Variants in MEI4 observed in about 807,000 individuals in gnomAD.
The protein encoded by MEI4 is meiotic double-stranded break formation protein 4, also known as meiosis-specific protein MEI4.
Under a neutral mutation model 31.4 loss-of-function variants are expected in MEI4, and 27 were observed. The ratio of observed to expected loss-of-function variants is 0.86; its 90% CI spans 0.63 to 1.19. The LOEUF is 1.19. MEI4 is among the 50% of genes most tolerant of loss of function. The probability of loss-of-function intolerance (pLI) is 0.00; values close to 1 mark genes in which losing one functional copy is unlikely to be tolerated. For synonymous variants in MEI4, 122 were observed against 145.4 expected, an observed-to-expected ratio of 0.84 and a Z score of 1.16; for missense variants, 329 against 398.9, an observed-to-expected ratio of 0.82 and a Z score of 1.49.
intron 2 of MEI4, among the ~76,000 whole-genome samples, chr6:77,698,026 T>G (rs1395051113): frequency 6.6e-6 from 1 of 152,234 alleles, no homozygotes; most frequent in East Asian, 1.9e-4. Context: ...GATAATGGTC[T>G]TCTTTGTGTC....
At chr6:77,763,015 G>A (rs1768079443) in intron 3 of MEI4, among the ~76,000 whole-genome samples, 1 of 151,818 alleles carries the variant, frequency 6.6e-6, no homozygotes, top group Admixed American at 6.6e-5. Flanking sequence ...GAAGATACTG[G>A]CATTTATAGT....
chr6:77,799,904 A>T (rs553665393), intron 3 of MEI4, among the ~76,000 whole-genome samples: 4 of 151,376 alleles, frequency 2.6e-5, no homozygotes, highest in Non-Finnish European at 5.9e-5. Flanking sequence ...GTAGCCTTGT[A>T]GTATGATTTG....
chr6:77,755,825 G>GGGGTGTGTGT (rs1554161606), intron 2 of MEI4, among the ~76,000 whole-genome samples: 5 of 145,168 alleles, frequency 3.4e-5, no homozygotes, highest in African/African-American at 7.6e-5. Flanking sequence ...GTGCTGGAAT[G>GGGGTGTGTGT]GTGTGTGTGT....
chr6:77,813,717 T>C (rs752385818), intron 3 of MEI4, among the ~76,000 whole-genome samples: 65 of 152,246 alleles, frequency 4.3e-4, no homozygotes, highest in South Asian at 3.9e-3. Flanking sequence ...GCAAGTCATT[T>C]GATCATTTTT....
chr6:77,807,846 G>A (rs1434787918), intron 3 of MEI4, among the ~76,000 whole-genome samples: 1 of 152,166 alleles, frequency 6.6e-6, no homozygotes, highest in Non-Finnish European at 1.5e-5. Context: ...AGGCTGCAGA[G>A]TACTGGATTA....
At position 77,925,519 on chromosome 6, in the gene MEI4, G is replaced by T. The variant is rs1490365520; in HGVS notation, c.*2173G>T. On this transcript the variant is annotated 3_prime_UTR_variant, in exon 5 of 5. Coordinates refer to ENST00000684080, the MANE Select transcript of MEI4 (RefSeq NM_001322247.2). ...TCAGTAAAGCAGTGAATTAATGAAT[G>T]ATTTAAACTGGTATTACAATGTTTA... is the stretch of plus-strand genomic sequence containing the variant. The T allele has an allele frequency of 2.6e-5, 4 of 151,600 alleles. No homozygotes were observed. Among genetic ancestry groups the T allele is most frequent in the African/African-American group, 9.7e-5 (4 of 41,340 alleles). The allele number at this position is 151,600 out of a possible 1,614,324, so 9.4% of individuals were successfully genotyped here.
chr6:77,759,551 T>C (rs1767998749), intron 2 of MEI4, among the ~76,000 whole-genome samples: 1 of 152,208 alleles, frequency 6.6e-6, no homozygotes, highest in Non-Finnish European at 1.5e-5. Flanking sequence ...TTTTATCTTT[T>C]TACTATTTCA....
At chr6:77,651,843 C>G (rs1768305536), upstream of MEI4, among the ~76,000 whole-genome samples, 1 of 151,958 alleles carries the variant, frequency 6.6e-6, no homozygotes, top group Non-Finnish European at 1.5e-5. Context: ...GTTTTTTATT[C>G]TTTTTTTGTG....
intron 4 of MEI4, among the ~76,000 whole-genome samples, chr6:77,885,393 T>A (rs1331220543): frequency 6.6e-6 from 1 of 152,076 alleles, no homozygotes; most frequent in Non-Finnish European, 1.5e-5. Flanking sequence ...GGTTTTGCCA[T>A]GTTGCCCAGG....
intron 1 of MEI4, among the ~76,000 whole-genome samples, chr6:77,668,400 C>T (rs150215444): frequency 6.6e-6 from 1 of 152,106 alleles, no homozygotes; most frequent in Non-Finnish European, 1.5e-5. Flanking sequence ...CTGTTCATGT[C>T]CATGGAGGCT....
At chr6:77,656,301 T>A (rs1414369191) in intron 1 of MEI4, among the ~76,000 whole-genome samples, 1 of 152,112 alleles carries the variant, frequency 6.6e-6, no homozygotes, top group African/African-American at 2.4e-5. Context: ...CTTCTTTTCT[T>A]ATGACTTCCT....
chr6:77,863,749 G>A lies in MEI4; in HGVS notation c.900+34687G>A, dbSNP rs1428120620. Among the ~76,000 whole-genome samples, 6 of 152,098 alleles carry A rather than the reference G, an allele frequency of 3.9e-5. No individual in the cohort carries two copies. In the East Asian group the frequency reaches 5.8e-4, roughly 15 times the overall value. The stretch of plus-strand genomic sequence containing the variant: ...AGAGAATGCCACAAAGATACTCCTC[G>A]AGAAGAGCAACTCCAAGACACATAA... On this transcript the variant is annotated intron_variant, in intron 4 of 4. Transcript: ENST00000684080.
chr6:77,793,355 G>C (rs896233763), intron 3 of MEI4, among the ~76,000 whole-genome samples: 5 of 152,180 alleles, frequency 3.3e-5, no homozygotes, highest in African/African-American at 1.2e-4. Context: ...AGCTGCAGTA[G>C]TTCATAACTA....
chr6:77,816,323 A>G (rs1207085420), intron 3 of MEI4, among the ~76,000 whole-genome samples: 1 of 152,176 alleles, frequency 6.6e-6, no homozygotes, highest in Admixed American at 6.6e-5. Flanking sequence ...GTGTGTCATC[A>G]GTAAGAAGGA....
chr6:77,806,159 T>C (rs1283055636), intron 3 of MEI4, among the ~76,000 whole-genome samples: 3 of 152,168 alleles, frequency 2.0e-5, no homozygotes, highest in Non-Finnish European at 4.4e-5. Context: ...AGTGCATAGA[T>C]AACATGCTGT....
At chr6:77,763,034 G>A (rs1187897795) in intron 3 of MEI4, among the ~76,000 whole-genome samples, 1 of 152,024 alleles carries the variant, frequency 6.6e-6, no homozygotes. Context: ...GTCCATATCA[G>A]AATTACTGAA....
chr6:77,733,134 G>A (rs1407798479), intron 2 of MEI4, among the ~76,000 whole-genome samples: 1 of 151,692 alleles, frequency 6.6e-6, no homozygotes, highest in Admixed American at 6.6e-5. Flanking sequence ...AGATGATGCT[G>A]GCTTCATAAA....
At chr6:77,759,659 G>A (rs1768000756) in intron 2 of MEI4, among the ~76,000 whole-genome samples, 2 of 152,088 alleles carry the variant, frequency 1.3e-5, no homozygotes, top group African/African-American at 4.8e-5. Context: ...TCAGTAAGCT[G>A]GTCTCCAGAT....
intron 4 of MEI4, among the ~76,000 whole-genome samples, chr6:77,851,635 G>T (rs1361153676): frequency 8.5e-6 from 1 of 117,856 alleles, no homozygotes; most frequent in Non-Finnish European, 1.7e-5. Context: ...GCCTGTTTTG[G>T]GGTGGGGGGA....
Sources: allele counts gnomAD v4.1 joint callset (sites outside exome capture counted in the v4.1 genomes callset), GRCh38; gene constraint gnomAD v4.1.1; transcripts MANE v1.5; gene names NCBI Gene and HGNC (gene_info 2026-07-23, HGNC 2026-07-21).